The following SCFD2 variants were observed in gnomAD, a reference collection of about 807,000 sequenced individuals.
The protein encoded by SCFD2 is sec1 family domain-containing protein 2.
In SCFD2, 54 loss-of-function variants were observed where a neutral mutation model predicts 58.9. That is an observed-to-expected ratio of 0.92 (90% CI 0.74 to 1.15). The LOEUF (loss-of-function observed/expected upper bound fraction) is 1.15. Among genes scored for constraint, SCFD2 ranks in the 50% most tolerant of loss-of-function variants. SCFD2 has a pLI of 0.00. For missense variants in SCFD2, 805 were observed against 836.6 expected (o/e 0.96, Z 0.47); for synonymous variants, 321 against 335.9 (o/e 0.96, Z 0.49).
chr4:52,977,493 G>A (rs771006615), intron 5 of SCFD2, among the ~76,000 whole-genome samples: 14 of 152,106 alleles, frequency 9.2e-5, no homozygotes, highest in African/African-American at 1.4e-4. Flanking sequence ...GGCTACAGTA[G>A]CCCCTTGGGA....
chr4:53,206,376 C>G (rs558795059), intron 4 of SCFD2, among the ~76,000 whole-genome samples: 1 of 152,172 alleles, frequency 6.6e-6, no homozygotes, highest in Admixed American at 6.5e-5. Flanking sequence ...GGAAGTGATG[C>G]AAGCAAAAAA....
intron 4 of SCFD2, among the ~76,000 whole-genome samples, chr4:53,182,955 C>A (rs192585665): frequency 3.9e-5 from 6 of 152,118 alleles, no homozygotes; most frequent in African/African-American, 1.4e-4. Context: ...CAATGAGATA[C>A]CATCACACCC....
chr4:53,266,737 A>G (rs112527954), intron 4 of SCFD2, among the ~76,000 whole-genome samples: 5 of 152,246 alleles, frequency 3.3e-5, no homozygotes, highest in African/African-American at 9.6e-5. Flanking sequence ...GAATTATTTT[A>G]TAACTAGCAC....
intron 3 of SCFD2, among the ~76,000 whole-genome samples, chr4:53,283,105 A>C (rs1305329062): frequency 2.0e-5 from 3 of 152,202 alleles, no homozygotes; most frequent in Admixed American, 2.0e-4. Context: ...ATATCCATGT[A>C]CTCACCAACC....
chr4:53,176,197 T>C (rs761800093), intron 4 of SCFD2, among the ~76,000 whole-genome samples: 1 of 152,222 alleles, frequency 6.6e-6, no homozygotes, highest in African/African-American at 2.4e-5. Context: ...CATTATAGCC[T>C]ACCTACAAAC....
chr4:53,255,225 A>ATTTATTTT (rs1454024490), intron 4 of SCFD2, among the ~76,000 whole-genome samples: 28 of 147,870 alleles, frequency 1.9e-4, no homozygotes, highest in Non-Finnish European at 3.4e-4. Flanking sequence ...TTATTTATTT[A>ATTTATTTT]TTTTTTATGG....
chr4:52,926,176 A>G (rs1719858586), intron 5 of SCFD2, among the ~76,000 whole-genome samples: 1 of 152,096 alleles, frequency 6.6e-6, no homozygotes, highest in South Asian at 2.1e-4. Flanking sequence ...ACTCCAGTCT[A>G]CCTAGTTCTC....
At chr4:53,045,938 T>C (rs1167848188) in intron 5 of SCFD2, among the ~76,000 whole-genome samples, 1 of 151,850 alleles carries the variant, frequency 6.6e-6, no homozygotes. Context: ...AAAAAAAATC[T>C]ATAGCTTTGT....
chr4:53,100,450 G>C (rs114759450), intron 5 of SCFD2, among the ~76,000 whole-genome samples: 1,738 of 152,218 alleles, frequency 0.011, 18 homozygotes, highest in Middle Eastern at 0.034. Flanking sequence ...TGAATGAATG[G>C]ATAGAAATGG....
Position 53,298,125 on chromosome 4 carries a change from C to T in SCFD2, c.1135+15511G>A, listed in dbSNP as rs181012851. ...AGGACAGTGGGAGCAGCACACCATG[C>T]GTGAGCCGAAGCAGGGCGAGGCATC... On this transcript the variant is annotated intron_variant, in intron 3 of 8. Transcript: ENST00000401642. Among the ~76,000 whole-genome samples the T allele has an allele frequency of 7.2e-5, 11 of 152,186 alleles. No homozygotes were observed. The East Asian group carries it at 1.4e-3, about 19-fold the overall frequency.
At chr4:53,071,669 A>G (rs1723817945) in intron 5 of SCFD2, among the ~76,000 whole-genome samples, 1 of 152,118 alleles carries the variant, frequency 6.6e-6, no homozygotes, top group Non-Finnish European at 1.5e-5. Flanking sequence ...GAATGATTCT[A>G]AATCCCATGG....
chr4:53,218,668 T>C (rs539656149), intron 4 of SCFD2, among the ~76,000 whole-genome samples: 6 of 152,360 alleles, frequency 3.9e-5, no homozygotes, highest in African/African-American at 1.4e-4. Context: ...CGTCCAGCTT[T>C]CTTCCGTTGC....
At chr4:53,031,378 A>G (rs184899227) in intron 5 of SCFD2, among the ~76,000 whole-genome samples, 62 of 152,334 alleles carry the variant, frequency 4.1e-4, no homozygotes, top group Admixed American at 1.9e-3. Context: ...TCTCCTCTAA[A>G]GGATCACAAC....
chr4:53,187,567 G>A (rs1384059581), intron 4 of SCFD2, among the ~76,000 whole-genome samples: 7 of 152,090 alleles, frequency 4.6e-5, no homozygotes, highest in Admixed American at 3.3e-4. Context: ...ATCTAACAAT[G>A]AGACTAGTTA....
chr4:53,246,994 T>C (rs1190102441), intron 4 of SCFD2, among the ~76,000 whole-genome samples: 1 of 41,046 alleles, frequency 2.4e-5, no homozygotes, highest in East Asian at 5.4e-4. Flanking sequence ...TTAAAAAATT[T>C]ACAAAAAAAA....
chr4:53,288,082 T>A (rs1024614566), intron 3 of SCFD2, among the ~76,000 whole-genome samples: 4 of 151,670 alleles, frequency 2.6e-5, no homozygotes, highest in African/African-American at 9.7e-5. Context: ...TCTAAAATAA[T>A]AATAATAAAC....
At chr4:53,191,332 A>C (rs1328913550) in intron 4 of SCFD2, among the ~76,000 whole-genome samples, 2 of 152,096 alleles carry the variant, frequency 1.3e-5, no homozygotes, top group Admixed American at 6.6e-5. Context: ...TAAACAAACG[A>C]ACATAACATT....
chr4:53,299,150 C>T (rs1732167191), intron 3 of SCFD2, among the ~76,000 whole-genome samples: 1 of 152,064 alleles, frequency 6.6e-6, no homozygotes, highest in South Asian at 2.1e-4. Flanking sequence ...CTACTCTGAG[C>T]TAAAGGACGA....
chr4:53,333,292 G>A (rs1167233882), intron 2 of SCFD2, among the ~76,000 whole-genome samples: 2 of 149,648 alleles, frequency 1.3e-5, no homozygotes, highest in East Asian at 3.9e-4. Context: ...CCATCGCCAA[G>A]GCAATCCTAA....
Sources: allele counts gnomAD v4.1 joint callset (sites outside exome capture counted in the v4.1 genomes callset), GRCh38; gene constraint gnomAD v4.1.1; transcripts MANE v1.5; gene names NCBI Gene and HGNC (gene_info 2026-07-23, HGNC 2026-07-21).